The following LRRC9 variants were observed in gnomAD, a reference collection of about 807,000 sequenced individuals.
LRRC9 encodes leucine-rich repeat-containing protein 9.
A neutral mutation model predicts 63.2 loss-of-function variants in LRRC9; 122 were observed. The observed-to-expected ratio is 1.93, with a 90% CI of 1.67 to 2.24. LRRC9 has a LOEUF of 2.24. Ranked by LOEUF, LRRC9 falls within the 30% of genes most tolerant of loss-of-function variation. LRRC9 has a pLI of 0.00. For missense variants in LRRC9, 1,071 were observed against 627.7 expected (o/e 1.71, Z -7.55); for synonymous variants, 366 against 213.1 (o/e 1.72, Z -6.25).
chr14:59,996,538 A>G (rs1447997218), intron 17 of LRRC9, among the ~76,000 whole-genome samples: 1 of 152,198 alleles, frequency 6.6e-6, no homozygotes, highest in Non-Finnish European at 1.5e-5. Context: ...ACAAACAAGT[A>G]AGATGAAGAT....
At chr14:60,062,982 C>T (rs1159136698) in intron 31 of LRRC9, among the ~76,000 whole-genome samples, 1 of 151,836 alleles carries the variant, frequency 6.6e-6, no homozygotes, top group Non-Finnish European at 1.5e-5. Context: ...ACCTCCACCT[C>T]TTGGGTTCAA....
At chr14:59,975,181 TAC>T (rs1393029110) in intron 13 of LRRC9, among the ~76,000 whole-genome samples, 1 of 117,628 alleles carries the variant, frequency 8.5e-6, no homozygotes, top group African/African-American at 3.2e-5. Context: ...ATATATACAC[TAC>T]ACACACGAAC....
intron 14 of LRRC9, among the ~76,000 whole-genome samples, 194 bp from the exon 15 acceptor site, chr14:59,977,822 AG>A (rs1373010607): frequency 5.3e-5 from 8 of 152,130 alleles, no homozygotes; most frequent in Admixed American, 3.3e-4. Context: ...AAAGGATGAA[AG>A]AAAAAATCCT....
chr14:59,958,079 T>C lies in LRRC9; in HGVS notation c.883-1739T>C, dbSNP rs1240411532. ...GTGTCTGTCGACCCCTGTTGGGGTA[T>C]GTCTCCCAGTCAGGAGGCACGGGGG... On this transcript the variant is annotated intron_variant, in intron 8 of 31. Coordinates refer to ENST00000445360, the Ensembl canonical transcript of LRRC9. The surrounding 1 kb of genome is among the most constrained non-coding windows in gnomAD (Gnocchi z 4.0). Among the ~76,000 whole-genome samples the C allele has an allele frequency of 6.6e-6, 1 of 152,188 alleles. No homozygotes were observed. Among genetic ancestry groups the C allele is most frequent in the Non-Finnish European group, 1.5e-5 (1 of 68,022 alleles).
chr14:59,960,873 T>C, intron 9 of LRRC9, 41 bp from the exon 10 acceptor site: 1 of 533,706 alleles, frequency 1.9e-6, no homozygotes. Flanking sequence ...TTGCGATTTT[T>C]AGATCATTCT....
chr14:60,008,868 T>A (rs1054392709), intron 23 of LRRC9, among the ~76,000 whole-genome samples: 1 of 152,282 alleles, frequency 6.6e-6, no homozygotes, highest in South Asian at 2.1e-4. Flanking sequence ...TAGTTCATGA[T>A]CATTTAGTAT....
chr14:59,945,273 G>C (rs1376763754), intron 8 of LRRC9, among the ~76,000 whole-genome samples: 1 of 151,806 alleles, frequency 6.6e-6, no homozygotes, highest in Non-Finnish European at 1.5e-5. Flanking sequence ...TTTACTAAAA[G>C]TAGACCCTGA....
At chr14:60,035,309 C>T (rs1892341119) in intron 29 of LRRC9, among the ~76,000 whole-genome samples, 1 of 152,038 alleles carries the variant, frequency 6.6e-6, no homozygotes. Context: ...TGTAGCTTTA[C>T]TTTGTTGATT....
intron 27 of LRRC9, among the ~76,000 whole-genome samples, chr14:60,023,272 G>T (rs1025011318): frequency 8.6e-5 from 13 of 152,022 alleles, no homozygotes; most frequent in African/African-American, 3.1e-4. Flanking sequence ...TATCTGTGGA[G>T]ATGTACTGGG....
At chr14:60,030,771 A>G (rs1171068491) in intron 28 of LRRC9, among the ~76,000 whole-genome samples, 3 of 151,976 alleles carry the variant, frequency 2.0e-5, no homozygotes, top group African/African-American at 7.2e-5. Context: ...ACACCATCTC[A>G]CAAAATTCCT....
chr14:60,036,149 G>A (rs1020419481), intron 29 of LRRC9, among the ~76,000 whole-genome samples: 3 of 152,000 alleles, frequency 2.0e-5, no homozygotes, highest in South Asian at 2.1e-4. Flanking sequence ...CCATCACAAG[G>A]ACCCCATCCT....
Position 60,001,947 on chromosome 14 carries a change from A to AT in LRRC9, c.2530-13dup. On this transcript the variant is annotated intron_variant, in intron 19 of 31. Coordinates refer to ENST00000445360, the Ensembl canonical transcript of LRRC9. ...GTATACTGTTTCCTTTTTTCACTGT[A>AT]TTTTTTAAATTTTATTAGTTATCTC... 1 of 631,368 alleles carries AT rather than the reference A, an allele frequency of 1.6e-6. No homozygotes were observed. Among genetic ancestry groups the AT allele is most frequent in the Non-Finnish European group, 2.8e-6 (1 of 353,830 alleles). 39.1% of individuals were successfully genotyped at this position (631,368 alleles called of 1,614,324 possible).
intron 29 of LRRC9, among the ~76,000 whole-genome samples, chr14:60,046,759 C>A (rs903024374): frequency 6.6e-6 from 1 of 151,934 alleles, no homozygotes; most frequent in African/African-American, 2.4e-5. Flanking sequence ...TGTTTGGGCT[C>A]TTTTTAAAAA....
chr14:60,028,061 T>TA lies in LRRC9; in HGVS notation c.3885dup (p.Leu1296ThrfsTer9). 1.4e-6 allele frequency: 1 copy of TA among 701,582 alleles called. No individual in the cohort carries two copies. Among genetic ancestry groups the TA allele is most frequent in the Non-Finnish European group, 2.6e-6 (1 of 384,106 alleles). The allele number at this position is 701,582 out of a possible 1,614,324, so 43.5% of individuals were successfully genotyped here. ...GAACTGGGCAAATTACAATCTTTGG[T>TA]AAAACTAGAGAAACTCTTCCTAGGA... On this transcript the variant is annotated frameshift_variant, in exon 28 of 32. Transcript: ENST00000445360. LOFTEE classifies it high-confidence loss of function.
chr14:60,024,873 G>A (rs1002402701), intron 27 of LRRC9, among the ~76,000 whole-genome samples: 1 of 150,966 alleles, frequency 6.6e-6, no homozygotes, highest in Non-Finnish European at 1.5e-5. Flanking sequence ...CGTACTTACT[G>A]TGTACTTATT....
intron 30 of LRRC9, among the ~76,000 whole-genome samples, chr14:60,056,735 C>T (rs1035805580): frequency 6.6e-6 from 1 of 152,018 alleles, no homozygotes; most frequent in African/African-American, 2.4e-5. Flanking sequence ...AGATTCAACA[C>T]CAATTATTTT....
At chr14:59,980,361 A>T (rs545777456) in intron 15 of LRRC9, among the ~76,000 whole-genome samples, 1 of 152,132 alleles carries the variant, frequency 6.6e-6, no homozygotes, top group Admixed American at 6.5e-5. Flanking sequence ...CTAATTTTGG[A>T]TCACTATCAT....
chr14:59,920,155 A>G (rs1285543908), intron 1 of LRRC9: 1 of 152,006 alleles, frequency 6.6e-6, no homozygotes, highest in Admixed American at 6.5e-5. Context: ...GTCTGTACAC[A>G]CCAGGCCTGG....
At chr14:59,935,707 C>A (rs1890086996) in intron 6 of LRRC9, among the ~76,000 whole-genome samples, 1 of 152,202 alleles carries the variant, frequency 6.6e-6, no homozygotes, top group Non-Finnish European at 1.5e-5. Flanking sequence ...GCTAATGTTA[C>A]AGCTAATGAT....
Sources: allele counts gnomAD v4.1 joint callset (sites outside exome capture counted in the v4.1 genomes callset), GRCh38; gene constraint gnomAD v4.1.1; non-coding constraint Gnocchi (gnomAD v3.1); transcripts MANE v1.5; gene names NCBI Gene and HGNC (gene_info 2026-07-23, HGNC 2026-07-21).